The following STPG2 variants were observed in gnomAD, a reference collection of about 807,000 sequenced individuals.
STPG2 encodes the protein sperm-tail PG-rich repeat-containing protein 2.
STPG2 carries 56 observed loss-of-function variants against 54.2 expected under a neutral mutation model. That is an observed-to-expected ratio of 1.03 (90% CI 0.83 to 1.29). STPG2 has a LOEUF of 1.29. STPG2 is among the 50% of genes most tolerant of loss of function. STPG2 has a pLI of 0.00. For missense variants in STPG2, 596 were observed against 544.9 expected (o/e 1.09, Z -0.93); for synonymous variants, 200 against 181.8 (o/e 1.10, Z -0.81).
intron 5 of STPG2, among the ~76,000 whole-genome samples, chr4:98,083,036 G>A (rs879781939): frequency 3.9e-5 from 6 of 151,928 alleles, no homozygotes; most frequent in Non-Finnish European, 7.4e-5. Context: ...ATTGTCCTAA[G>A]AATAAGATCA....
intron 8 of STPG2, among the ~76,000 whole-genome samples, chr4:97,860,084 A>G (rs1300921596): frequency 2.0e-5 from 3 of 152,216 alleles, no homozygotes; most frequent in Admixed American, 2.0e-4. Flanking sequence ...CCATTGGTCT[A>G]CGTGCCAATT....
intron 8 of STPG2, among the ~76,000 whole-genome samples, chr4:97,879,032 C>T (rs1278432406): frequency 6.6e-6 from 1 of 152,150 alleles, no homozygotes; most frequent in African/African-American, 2.4e-5. Flanking sequence ...GGGCAAAATG[C>T]TGCCAGTCTC....
At chr4:97,728,543 A>T (rs1724690283) in intron 9 of STPG2, among the ~76,000 whole-genome samples, 1 of 152,038 alleles carries the variant, frequency 6.6e-6, no homozygotes, top group Non-Finnish European at 1.5e-5. Context: ...CTCTTGTATG[A>T]CCAGAGTAAT....
At chr4:97,653,859 A>G (rs565052235) in intron 10 of STPG2, among the ~76,000 whole-genome samples, 1 of 152,238 alleles carries the variant, frequency 6.6e-6, no homozygotes, top group East Asian at 1.9e-4. Flanking sequence ...GGGAAGAAAG[A>G]CCGCTAATAA....
chr4:97,867,501 C>A (rs1729834790), intron 8 of STPG2, among the ~76,000 whole-genome samples: 1 of 152,082 alleles, frequency 6.6e-6, no homozygotes, highest in Non-Finnish European at 1.5e-5. Context: ...AACTGATTAT[C>A]TCTAGTATAT....
chr4:97,491,403 T>C (rs950172759), intron 4 of STPG2, among the ~76,000 whole-genome samples: 8 of 151,520 alleles, frequency 5.3e-5, no homozygotes, highest in Non-Finnish European at 8.9e-5. Flanking sequence ...CAAACATTTA[T>C]TTGGTAAAAT....
At chr4:98,053,879 T>C (rs1364100931) in intron 5 of STPG2, among the ~76,000 whole-genome samples, 1 of 152,152 alleles carries the variant, frequency 6.6e-6, no homozygotes, top group Admixed American at 6.5e-5. Flanking sequence ...AATTCATTTG[T>C]TGGATGATAT....
intron 10 of STPG2, among the ~76,000 whole-genome samples, chr4:97,589,024 G>A (rs1337123374): frequency 3.3e-5 from 5 of 152,114 alleles, no homozygotes; most frequent in East Asian, 3.9e-4. Context: ...GGTAGAAATG[G>A]GATGTAAACC....
chr4:97,692,038 C>T (rs777860248), intron 10 of STPG2, among the ~76,000 whole-genome samples: 42 of 152,210 alleles, frequency 2.8e-4, no homozygotes, highest in Middle Eastern at 3.4e-3. Flanking sequence ...AACAGCAGCC[C>T]TCAAGTCCCA....
intron 10 of STPG2, among the ~76,000 whole-genome samples, chr4:97,688,145 A>G (rs1192496117): frequency 6.6e-6 from 1 of 152,168 alleles, no homozygotes; most frequent in Non-Finnish European, 1.5e-5. Flanking sequence ...TAGAAAATTA[A>G]GAAATCTGAA....
chr4:97,906,044 C>CA (rs1307900035), intron 8 of STPG2, among the ~76,000 whole-genome samples: 2 of 152,018 alleles, frequency 1.3e-5, no homozygotes, highest in East Asian at 1.9e-4. Context: ...AATAGAGACA[C>CA]AAAAACCCTT....
rs532273971 is a variant in STPG2 at position 97,498,273 on chromosome 4, T to C, written c.462+214426A>G. ...AGAACTTGTTAATGAGGCATCATGTTCCTAGAGTGGCTGAAATATTTAAAG... is the reference window on the plus strand; with the variant it reads ...AGAACTTGTTAATGAGGCATCATGTCCCTAGAGTGGCTGAAATATTTAAAG... On this transcript the variant is annotated intron_variant, in intron 4 of 4. Transcript: ENST00000522676. Among the ~76,000 whole-genome samples the C allele has an allele frequency of 5.9e-5, 9 of 152,056 alleles. No individual in the cohort carries two copies. In the East Asian group the frequency reaches 1.7e-3, roughly 30 times the overall value.
At chr4:97,979,014 C>G (rs2149261699) in intron 6 of STPG2, among the ~76,000 whole-genome samples, 1 of 152,220 alleles carries the variant, frequency 6.6e-6, no homozygotes, top group African/African-American at 2.4e-5. Flanking sequence ...ACAAAATAGA[C>G]AAAGGTGACA....
At chr4:97,626,312 C>A (rs769124516) in intron 10 of STPG2, among the ~76,000 whole-genome samples, 3 of 152,112 alleles carry the variant, frequency 2.0e-5, no homozygotes, top group Non-Finnish European at 2.9e-5. Flanking sequence ...TCAGACTTTA[C>A]ACTTTCTTTC....
intron 10 of STPG2, among the ~76,000 whole-genome samples, chr4:97,643,535 C>G (rs1202449477): frequency 6.6e-6 from 1 of 151,634 alleles, no homozygotes; most frequent in Non-Finnish European, 1.5e-5. Flanking sequence ...TAAGTAATCT[C>G]CAAAATACAA....
At chr4:97,794,337 C>T (rs1727099401) in intron 9 of STPG2, among the ~76,000 whole-genome samples, 2 of 152,056 alleles carry the variant, frequency 1.3e-5, no homozygotes, top group African/African-American at 4.8e-5. Context: ...AAGCTTCTAA[C>T]AAAACAGAAT....
At chr4:98,010,574 G>C (rs1735714504) in intron 5 of STPG2, among the ~76,000 whole-genome samples, 2 of 152,020 alleles carry the variant, frequency 1.3e-5, no homozygotes, top group Admixed American at 6.6e-5. Flanking sequence ...GTGGTTTTTT[G>C]TTTCAATCAT....
chr4:98,044,552 G>C (rs947769656), intron 5 of STPG2, among the ~76,000 whole-genome samples: 1 of 152,138 alleles, frequency 6.6e-6, no homozygotes, highest in Admixed American at 6.6e-5. Flanking sequence ...GATTTGGGGT[G>C]GGAGAGCAGG....
intron 5 of STPG2, among the ~76,000 whole-genome samples, chr4:98,013,890 C>T (rs890271644): frequency 1.3e-5 from 2 of 151,856 alleles, no homozygotes; most frequent in East Asian, 3.9e-4. Context: ...AGTGGTCTAT[C>T]TATTTTGTTA....
Sources: allele counts gnomAD v4.1 joint callset (sites outside exome capture counted in the v4.1 genomes callset), GRCh38; gene constraint gnomAD v4.1.1; transcripts MANE v1.5; gene names NCBI Gene and HGNC (gene_info 2026-07-23, HGNC 2026-07-21).